Variants in POSTN observed in about 807,000 individuals in gnomAD.
The protein encoded by POSTN is periostin.
A neutral mutation model predicts 104.5 loss-of-function variants in POSTN; 71 were observed. That is an observed-to-expected ratio of 0.68 (90% CI 0.56 to 0.83). The LOEUF is 0.83. Among genes scored for constraint, POSTN ranks in the 40% least tolerant of loss-of-function variants. The pLI, the probability that POSTN is intolerant of heterozygous loss-of-function variation, is 0.00. For missense variants in POSTN, 949 were observed against 1,006.8 expected, an observed-to-expected ratio of 0.94 and a Z score of 0.78; for synonymous variants, 355 against 340.7, an observed-to-expected ratio of 1.04 and a Z score of -0.46.
chr13:37,586,563 CG>C (rs1950751727), intron 6 of POSTN, among the ~76,000 whole-genome samples: 1 of 152,110 alleles, frequency 6.6e-6, no homozygotes, highest in Admixed American at 6.5e-5. Flanking sequence ...GCTAAATACA[CG>C]CCAGTCATGT....
intron 16 of POSTN, among the ~76,000 whole-genome samples, chr13:37,576,115 C>T (rs1950402310): frequency 1.3e-5 from 2 of 152,080 alleles, no homozygotes; most frequent in South Asian, 4.1e-4. Flanking sequence ...TAGCCCTCTC[C>T]AGGTCAAATG....
chr13:37,579,941 T>A lies in POSTN; in HGVS notation c.1580A>T (p.Gln527Leu), dbSNP rs2138266423. 1 of 1,613,552 alleles carries A rather than the reference T, an allele frequency of 6.2e-7. No homozygotes were observed. Among genetic ancestry groups the A allele is most frequent in the East Asian group, 2.2e-5 (1 of 44,850 alleles). Residue 527 changes from glutamine to leucine, a missense_variant, in exon 12 of 23, where the codon CAA becomes CTA. Coordinates refer to ENST00000379747, the MANE Select transcript of POSTN (RefSeq NM_006475.3). Reference protein sequence around the residue: ...EAADLKELLTQPGDWTLFVPT... With the variant: ...EAADLKELLTLPGDWTLFVPT... ...CACAAATAATGTCCAGTCTCCAGGTTGTGTCAGGAGCTCTTTCAAGTCTGC... is the reference window on the plus strand; with the variant it reads ...CACAAATAATGTCCAGTCTCCAGGTAGTGTCAGGAGCTCTTTCAAGTCTGC...
At chr13:37,597,519 C>T (rs1951119467) in intron 1 of POSTN, among the ~76,000 whole-genome samples, 1 of 152,072 alleles carries the variant, frequency 6.6e-6, no homozygotes, top group Non-Finnish European at 1.5e-5. Context: ...GAGTAAAATA[C>T]AAGCTTTTCA....
chr13:37,587,800 A>G (rs2138337025), intron 5 of POSTN, 22 bp downstream of exon 5: 2 of 1,505,768 alleles, frequency 1.3e-6, no homozygotes, highest in Middle Eastern at 1.8e-4. Context: ...TCATAAGTGT[A>G]CTTTTTACTG....
At chr13:37,585,945 G>C (rs1157979268) in intron 7 of POSTN, among the ~76,000 whole-genome samples, 194 bp downstream of exon 7, 2 of 152,118 alleles carry the variant, frequency 1.3e-5, no homozygotes, top group African/African-American at 2.4e-5. Flanking sequence ...GTGATCTTGA[G>C]AGTATTCTTA....
At position 37,571,347 on chromosome 13, in the gene POSTN, C is replaced by T. The variant is rs1008323543; in HGVS notation, c.2179+22G>A. The T allele has an allele frequency of 2.7e-6, 4 of 1,497,998 alleles. No homozygotes were observed. In the African/African-American group the frequency reaches 4.2e-5, roughly 16 times the overall value. The allele number at this position is 1,497,998 out of a possible 1,614,324, so 92.8% of individuals were successfully genotyped here. Reference sequence around the variant, plus strand: ...ATAATCACAGCGAAGGTAGTCGGCCCCAGGTAACATAAGGAACGCACCTCC... The same window carrying T: ...ATAATCACAGCGAAGGTAGTCGGCCTCAGGTAACATAAGGAACGCACCTCC... On this transcript the variant is annotated intron_variant, in intron 18 of 22. Coordinates refer to ENST00000379747, the MANE Select transcript of POSTN (RefSeq NM_006475.3).
At position 37,578,976 on chromosome 13, in the gene POSTN, TAAA is replaced by T. The variant is rs759105602; in HGVS notation, c.1894+40_1894+42del. Reference sequence around the variant, plus strand: ...ATAAAATAAAAATCGAGGTTCATATTAAAAAAAGACTTAGCCTATCAATGAGTT... The same window carrying T: ...ATAAAATAAAAATCGAGGTTCATATTAAAAGACTTAGCCTATCAATGAGTT... On this transcript the variant is annotated intron_variant, in intron 14 of 22. Transcript: ENST00000379747. 8.8e-6 allele frequency: 14 copies of T among 1,594,706 alleles called. No individual in the cohort carries two copies. In the Admixed American group the frequency reaches 1.5e-4, roughly 17 times the overall value.
chr13:37,592,151 C>A lies in POSTN; in HGVS notation c.232G>T (p.Glu78Ter), dbSNP rs751972690. 6.3e-6 allele frequency: 10 copies of A among 1,597,880 alleles called. No homozygotes were observed. The highest frequency in any genetic ancestry group is 1.3e-5 in the African/African-American group (1 of 74,698). ...ICGQKTTVLY[E>*]CCPGYMRMEG... ...ATTCTCATATAACCAGGGCAACATTCATATAACACAGTCCTGTACATAGGA... is the reference window on the plus strand; with the variant it reads ...ATTCTCATATAACCAGGGCAACATTAATATAACACAGTCCTGTACATAGGA... Residue 78 changes from glutamate (E) to a stop codon, truncating the protein, a stop_gained, in exon 3 of 23, where the codon GAA becomes TAA. Coordinates refer to ENST00000379747, the MANE Select transcript of POSTN (RefSeq NM_006475.3). LOFTEE classifies it high-confidence loss of function.
At chr13:37,573,741 T>A (rs115350872) in intron 17 of POSTN, among the ~76,000 whole-genome samples, 4,542 of 151,622 alleles carry the variant, frequency 0.03, 211 homozygotes, top group African/African-American at 0.1. Context: ...TCTGGGTAAG[T>A]TGCTACATTA....
intron 2 of POSTN, among the ~76,000 whole-genome samples, chr13:37,592,444 G>A (rs567602917): frequency 6.6e-6 from 1 of 152,072 alleles, no homozygotes; most frequent in South Asian, 2.1e-4. Context: ...GACTACAGGC[G>A]CCTACCACCA....
rs767807574 is a variant in POSTN at position 37,582,562 on chromosome 13, T to C, written c.1244-48A>G. 30 of 1,502,026 alleles carry C rather than the reference T, an allele frequency of 2.0e-5. No homozygotes were observed. The South Asian group carries it at 3.8e-4, about 19-fold the overall frequency. The allele number at this position is 1,502,026 out of a possible 1,614,324, so 93.0% of individuals were successfully genotyped here. On this transcript the variant is annotated intron_variant, in intron 9 of 22. Transcript: ENST00000379747. ...AGAGCATTATTTTATTTAGAAAACA[T>C]TGAAGTTTCTCCCGGTAAGACAGAA...
chr13:37,582,342 T>G (rs1232426893), intron 10 of POSTN, 24 bp downstream of exon 10: 3 of 1,583,592 alleles, frequency 1.9e-6, no homozygotes, highest in Non-Finnish European at 2.6e-6. Context: ...TGACAGACTT[T>G]TTATTTTGTT....
chr13:37,585,011 C>A lies in POSTN; in HGVS notation c.896-83G>T, dbSNP rs1193413462. 2.0e-6 allele frequency: 3 copies of A among 1,524,970 alleles called. No homozygotes were observed. In the Admixed American group the frequency reaches 6.3e-5, roughly 32 times the overall value. The allele number at this position is 1,524,970 out of a possible 1,614,324, so 94.5% of individuals were successfully genotyped here. On this transcript the variant is annotated intron_variant, in intron 7 of 22. Transcript: ENST00000379747. ...TGAAAAGATGTGTTTCACTGTGGAA[C>A]TAAGTATTCCTTAAAATGTAGTAAA...
intron 2 of POSTN, among the ~76,000 whole-genome samples, chr13:37,592,488 T>A (rs1270184830): frequency 6.6e-6 from 1 of 152,014 alleles, no homozygotes; most frequent in African/African-American, 2.4e-5. Flanking sequence ...TTAGTAGAGA[T>A]GGGGTTTCGC....
At chr13:37,588,027 A>G in intron 4 of POSTN, 41 bp from the exon 5 acceptor site, 1 of 1,477,242 alleles carries the variant, frequency 6.8e-7, no homozygotes. Flanking sequence ...TTTATTGTGG[A>G]ACATTAGTAA....
chr13:37,577,733 A>G lies in POSTN; in HGVS notation c.2008+20T>C. The G allele has an allele frequency of 6.2e-7, 1 of 1,608,580 alleles. No individual in the cohort carries two copies. The highest frequency in any genetic ancestry group is 8.5e-7 in the Non-Finnish European group (1 of 1,177,256). On this transcript the variant is annotated intron_variant, in intron 16 of 22. Transcript: ENST00000379747. The stretch of plus-strand genomic sequence containing the variant: ...TTCATACCTTGCCACCCAGGTGGCC[A>G]ATATTTATTATATACTTACTATAGA...
chr13:37,593,306 T>A (rs1025400444), intron 2 of POSTN, among the ~76,000 whole-genome samples: 2 of 149,432 alleles, frequency 1.3e-5, no homozygotes, highest in Non-Finnish European at 3.0e-5. Context: ...ATAATTATAT[T>A]ATTAATATTA....
intron 17 of POSTN, among the ~76,000 whole-genome samples, chr13:37,572,284 T>C (rs1171153589): frequency 6.7e-6 from 1 of 148,308 alleles, no homozygotes; most frequent in Non-Finnish European, 1.5e-5. Flanking sequence ...TTTGAGAGCA[T>C]TTTTTTTTGC....
rs998165465 is a variant in POSTN, at chr13:37,587,714, C to T, written c.606+108G>A. On this transcript the variant is annotated intron_variant, in intron 5 of 22. Transcript: ENST00000379747. Reference sequence around the variant, plus strand: ...GGGTAAAGTCATAATATAGCACTTACCTTATTCTCACTAACATTTTATTAT... The same window carrying T: ...GGGTAAAGTCATAATATAGCACTTATCTTATTCTCACTAACATTTTATTAT... 137 of 928,176 alleles carry T rather than the reference C, an allele frequency of 1.5e-4. 2 individuals carry two copies. The Admixed American group carries it at 3.9e-3, about 27-fold the overall frequency. The allele number at this position is 928,176 out of a possible 1,614,324, so 57.5% of individuals were successfully genotyped here.
Sources: gnomAD v4.1 joint callset for allele counts (sites outside exome capture counted in the v4.1 genomes callset) on GRCh38, gnomAD v4.1.1 for gene constraint, MANE v1.5 for transcripts, NCBI Gene and HGNC (gene_info 2026-07-23, HGNC 2026-07-21) for gene names.